EXOC4: variants seen among roughly 807,000 people sequenced by gnomAD.
The protein encoded by EXOC4 is SEC8-like 1.
A neutral mutation model predicts 107.2 loss-of-function variants in EXOC4; 71 were observed. The ratio of observed to expected loss-of-function variants is 0.66; its 90% confidence interval spans 0.55 to 0.81. EXOC4 has a LOEUF of 0.81. EXOC4 is among the 30% of genes least tolerant of loss of function. EXOC4 has a pLI of 0.00. For synonymous variants in EXOC4, 456 were observed against 441.2 expected (o/e 1.03, Z -0.42); for missense variants, 1,108 against 1,189.6 (o/e 0.93, Z 1.01).
chr7:133,310,687 G>T (rs1794851686), intron 4 of EXOC4, among the ~76,000 whole-genome samples: 2 of 152,106 alleles, frequency 1.3e-5, no homozygotes, highest in Non-Finnish European at 2.9e-5. Context: ...ATTTTTGCTG[G>T]CACCATGCCC....
At chr7:133,582,834 G>A (rs1033289700) in intron 9 of EXOC4, among the ~76,000 whole-genome samples, 5 of 152,100 alleles carry the variant, frequency 3.3e-5, no homozygotes, top group Admixed American at 2.6e-4. Context: ...CATGTTAACA[G>A]AAAAAAGAAA....
intron 17 of EXOC4, among the ~76,000 whole-genome samples, chr7:134,016,568 C>G (rs1794913470): frequency 6.6e-6 from 1 of 152,186 alleles, no homozygotes; most frequent in South Asian, 2.1e-4. Context: ...TTTAATTAAA[C>G]TGTCCAGATA....
intron 9 of EXOC4, among the ~76,000 whole-genome samples, chr7:133,580,325 G>T (rs1801227214): frequency 6.6e-6 from 1 of 151,806 alleles, no homozygotes; most frequent in African/African-American, 2.4e-5. Context: ...ATATTTTTTT[G>T]AGACCCTGCT....
At chr7:133,832,819 A>G (rs1275766631) in intron 11 of EXOC4, among the ~76,000 whole-genome samples, 1 of 152,126 alleles carries the variant, frequency 6.6e-6, no homozygotes, top group African/African-American at 2.4e-5. Flanking sequence ...TTTTTTATGT[A>G]TTGAAATTGT....
chr7:133,566,879 A>G (rs1354031806), intron 9 of EXOC4, among the ~76,000 whole-genome samples: 1 of 152,338 alleles, frequency 6.6e-6, no homozygotes, highest in Middle Eastern at 3.4e-3. Flanking sequence ...TCCCATGGAT[A>G]TAACAATAGA....
At chr7:134,014,068 C>A (rs115750150) in intron 17 of EXOC4, among the ~76,000 whole-genome samples, 1 of 152,112 alleles carries the variant, frequency 6.6e-6, no homozygotes, top group African/African-American at 2.4e-5. Flanking sequence ...TACAAAAATA[C>A]GCACACAAAT....
chr7:133,505,315 G>T (rs554575825), intron 9 of EXOC4, among the ~76,000 whole-genome samples: 1 of 152,132 alleles, frequency 6.6e-6, no homozygotes, highest in South Asian at 2.1e-4. Context: ...GTGCCCTCCT[G>T]TCAGTTTTGA....
At chr7:133,360,369 G>A (rs1796109969) in intron 6 of EXOC4, among the ~76,000 whole-genome samples, 1 of 152,220 alleles carries the variant, frequency 6.6e-6, no homozygotes, top group Admixed American at 6.5e-5. Context: ...TATGTGTGAG[G>A]GAAATGGACC....
chr7:133,961,280 C>CTTTTTTTTTTTTTTT (rs34400471), intron 14 of EXOC4, among the ~76,000 whole-genome samples: 3 of 77,010 alleles, frequency 3.9e-5, no homozygotes, highest in African/African-American at 1.1e-4. Flanking sequence ...TCATGTCAAA[C>CTTTTTTTTTTTTTTT]TTTTTTTTTT....
Position 133,356,346 on chromosome 7 carries a change from G to A in EXOC4, c.780G>A (p.Leu260=), listed in dbSNP as rs929863714. The change falls in exon 6 of 18, where the codon CTG becomes CTA. Residue 260 remains leucine, a synonymous_variant. Coordinates refer to ENST00000253861, the MANE Select transcript of EXOC4 (RefSeq NM_021807.4). ...ATTTTTCAGTGAGGGAGATAAATCT[G>A]CAGGACATCAAGGAAGATTTAGAAT... The part of the protein sequence containing the change: ...AGSSSVREIN[L]QDIKEDLELD... 2 of 1,613,838 alleles carry A rather than the reference G, an allele frequency of 1.2e-6. No homozygotes were observed. The highest frequency in any genetic ancestry group is 1.7e-5 in the Admixed American group (1 of 59,984).
chr7:134,068,830 C>T (rs1257969365), downstream of EXOC4, among the ~76,000 whole-genome samples: 1 of 152,180 alleles, frequency 6.6e-6, no homozygotes, highest in Non-Finnish European at 1.5e-5. Flanking sequence ...CAACCAAACC[C>T]TAATGCTACT....
At chr7:133,853,061 G>C (rs897862722) in intron 11 of EXOC4, among the ~76,000 whole-genome samples, 1 of 152,142 alleles carries the variant, frequency 6.6e-6, no homozygotes, top group Non-Finnish European at 1.5e-5. Flanking sequence ...CTAATGTTCA[G>C]AATCCAGTAA....
chr7:133,695,549 C>T (rs528925556), intron 10 of EXOC4, among the ~76,000 whole-genome samples: 1 of 152,178 alleles, frequency 6.6e-6, no homozygotes, highest in South Asian at 2.1e-4. Context: ...TCACTTTTCA[C>T]CTCTTTCTCA....
At chr7:133,581,895 G>A (rs1353617342) in intron 9 of EXOC4, among the ~76,000 whole-genome samples, 4 of 152,084 alleles carry the variant, frequency 2.6e-5, no homozygotes, top group Non-Finnish European at 5.9e-5. Flanking sequence ...AAAGGGCGAA[G>A]AAGGCACGTC....
At chr7:133,297,893 T>C (rs572029954) in intron 3 of EXOC4, among the ~76,000 whole-genome samples, 84 of 152,342 alleles carry the variant, frequency 5.5e-4, no homozygotes, top group Admixed American at 1.6e-3. Context: ...TCGAGAATAA[T>C]ACCTAAGTCG....
chr7:133,412,492 G>T (rs541109894), intron 7 of EXOC4, among the ~76,000 whole-genome samples: 9 of 151,720 alleles, frequency 5.9e-5, no homozygotes, highest in Admixed American at 1.3e-4. Flanking sequence ...TTCAGCATTT[G>T]TCTAATGGTA....
At chr7:133,459,520 A>G (rs1288520327) in intron 7 of EXOC4, among the ~76,000 whole-genome samples, 1 of 152,220 alleles carries the variant, frequency 6.6e-6, no homozygotes, top group Non-Finnish European at 1.5e-5. Flanking sequence ...CTGTTCAGCC[A>G]TTGCCCTTGC....
At chr7:133,603,315 T>C (rs773383673) in intron 9 of EXOC4, among the ~76,000 whole-genome samples, 10 of 152,216 alleles carry the variant, frequency 6.6e-5, no homozygotes, top group Non-Finnish European at 1.2e-4. Context: ...CTTTGTGCTC[T>C]ACAAAAAATA....
In EXOC4 at chr7:133,408,376, GGTGATGATGGAGAGATTGGTA is replaced by G. The variant is rs1283799860; in HGVS notation, c.1182+33387_1182+33407del. On this transcript the variant is annotated intron_variant, in intron 7 of 17. Coordinates refer to ENST00000253861, the MANE Select transcript of EXOC4 (RefSeq NM_021807.4). ...GATTGGTGATGGTGGAGGTGATGGT[GGTGATGATGGAGAGATTGGTA>G]GTGATGATGGAGGTGGAGAGAGGTT... 2.0e-5 allele frequency among the ~76,000 whole-genome samples: 3 copies of G among 151,590 alleles called. No homozygotes were observed. In the East Asian group the frequency reaches 5.8e-4, roughly 29 times the overall value.
Sources: gnomAD v4.1 joint callset for allele counts (sites outside exome capture counted in the v4.1 genomes callset) on GRCh38, gnomAD v4.1.1 for gene constraint, MANE v1.5 for transcripts, NCBI Gene and HGNC (gene_info 2026-07-23, HGNC 2026-07-21) for gene names.